XPA: variants seen among roughly 807,000 people sequenced by gnomAD.
XPA encodes the protein DNA repair protein complementing XP-A cells.
XPA carries 27 observed loss-of-function variants against 35.7 expected under a neutral mutation model. That is an observed-to-expected ratio of 0.76 (90% CI 0.56 to 1.04). The LOEUF is 1.04. Ranked by LOEUF, XPA falls within the 50% of genes least tolerant of loss-of-function variation. The pLI is 0.00. For synonymous variants in XPA, 133 were observed against 118.4 expected, an observed-to-expected ratio of 1.12 and a Z score of -0.80; for missense variants, 354 against 342.7, an observed-to-expected ratio of 1.03 and a Z score of -0.26.
chr9:97,684,542 C>T (rs1303027592), intron 5 of XPA, among the ~76,000 whole-genome samples: 1 of 152,138 alleles, frequency 6.6e-6, no homozygotes, highest in African/African-American at 2.4e-5. Context: ...AGACTTAGGG[C>T]ATGGCTTTTC....
At chr9:97,666,636 T>A in the XPA span, 1 of 579,536 alleles carries the variant, frequency 1.7e-6, no homozygotes, top group African/African-American at 1.9e-5. Context: ...TGGAGAAAGA[T>A]GACTAATTCA....
At chr9:97,675,678 G>T in intron 5 of XPA, 91 bp from the exon 6 acceptor site, 1 of 1,425,136 alleles carries the variant, frequency 7.0e-7, no homozygotes, top group Non-Finnish European at 9.9e-7. Context: ...CCATGTACAT[G>T]TGTGTGTGTC....
the XPA span, chr9:97,662,922 ATATG>A: frequency 5.5e-5 from 81 of 1,462,774 alleles, no homozygotes; most frequent in Non-Finnish European, 4.8e-5. Context: ...GAATAAGTAT[ATATG>A]GTATTTTTTT....
At chr9:97,684,569 G>A (rs1284753101) in intron 5 of XPA, among the ~76,000 whole-genome samples, 3 of 152,186 alleles carry the variant, frequency 2.0e-5, no homozygotes, top group African/African-American at 4.8e-5. Flanking sequence ...AGCAATTAGA[G>A]GGGATTGTTG....
the XPA span, chr9:97,669,613 C>G: frequency 1.2e-6 from 2 of 1,610,320 alleles, no homozygotes; most frequent in East Asian, 2.2e-5. Context: ...TGATCTTGAC[C>G]GAGCACCTAG....
intron 1 of XPA, among the ~76,000 whole-genome samples, chr9:97,695,856 T>C (rs532911320): frequency 6.6e-6 from 1 of 152,236 alleles, no homozygotes; most frequent in Non-Finnish European, 1.5e-5. Context: ...GGGAACTGCC[T>C]AAGAAATCTT....
At chr9:97,661,750 T>TC in the XPA span, among the ~76,000 whole-genome samples, 1 of 144,060 alleles carries the variant, frequency 6.9e-6, no homozygotes, top group Non-Finnish European at 1.5e-5. Context: ...TTTTTTTTTT[T>TC]GGTATTAATA....
At chr9:97,664,404 A>G in the XPA span, 2 of 1,612,804 alleles carry the variant, frequency 1.2e-6, no homozygotes, top group Admixed American at 3.3e-5. Context: ...GCCGTAGCAA[A>G]TTGGATCTTC....
the XPA span, among the ~76,000 whole-genome samples, chr9:97,660,038 T>G: frequency 6.6e-6 from 1 of 152,242 alleles, no homozygotes; most frequent in African/African-American, 2.4e-5. Flanking sequence ...TAAATATTTT[T>G]TAACCGTTAG....
downstream of XPA, chr9:97,674,829 AT>A: frequency 2.5e-6 from 1 of 394,350 alleles, no homozygotes; most frequent in South Asian, 2.1e-5. Context: ...GCTCTTTTCC[AT>A]TTTAATCCAG....
the XPA span, among the ~76,000 whole-genome samples, chr9:97,667,444 T>TA: frequency 6.6e-6 from 1 of 152,200 alleles, no homozygotes; most frequent in Non-Finnish European, 1.5e-5. Context: ...TAGTGCCCTA[T>TA]AGGAACCTTT....
intron 4 of XPA, among the ~76,000 whole-genome samples, chr9:97,685,379 T>G (rs1382595876): frequency 6.6e-6 from 1 of 152,166 alleles, no homozygotes; most frequent in Non-Finnish European, 1.5e-5. Flanking sequence ...TGTTGACAGA[T>G]TAGCCACATC....
chr9:97,670,901 T>G (rs1369536137), downstream of XPA, among the ~76,000 whole-genome samples: 1 of 152,196 alleles, frequency 6.6e-6, no homozygotes, highest in Non-Finnish European at 1.5e-5. Flanking sequence ...ATCCATTTTT[T>G]TCATTTCCCT....
At chr9:97,689,738 CAT>C (rs1828828294) in intron 2 of XPA, 99 bp from the exon 3 acceptor site, 2 of 625,468 alleles carry the variant, frequency 3.2e-6, no homozygotes, top group Non-Finnish European at 5.6e-6. Context: ...CAATGCCTGA[CAT>C]AAATACATTT....
At chr9:97,681,398 C>T (rs543667777) in intron 5 of XPA, among the ~76,000 whole-genome samples, 3 of 152,158 alleles carry the variant, frequency 2.0e-5, no homozygotes, top group East Asian at 1.9e-4. Context: ...CTGAGTCTCC[C>T]GAACTCTCTT....
In XPA at chr9:97,675,536, T is replaced by C. The variant is rs745428571; in HGVS notation, c.725A>G (p.His242Arg). Residue 242 changes from histidine (H) to arginine (R), a missense_variant, in exon 6 of 6, where the codon CAT becomes CGT. By Grantham distance (29) the His-to-Arg change is conservative (BLOSUM62 0). Transcript: ENST00000375128. ...SSVWKRETIVHQHEYGPEENL... is the reference protein window; with the variant it reads ...SSVWKRETIVRQHEYGPEENL... ...TTCTTCTGGTCCATACTCATGTTGA[T>C]GAACAATCGTCTCCCTTTTCCACAC... is the stretch of plus-strand genomic sequence containing the variant. The C allele has an allele frequency of 1.2e-6, 2 of 1,614,050 alleles. No individual in the cohort carries two copies. The highest frequency in any genetic ancestry group is 2.2e-5 in the South Asian group (2 of 91,080).
chr9:97,664,179 A>C, the XPA span, among the ~76,000 whole-genome samples: 733 of 151,898 alleles, frequency 4.8e-3, 1 homozygote, highest in Non-Finnish European at 8.2e-3. Flanking sequence ...TCTGTCTCCC[A>C]AAAAAAAGAC....
downstream of XPA, chr9:97,671,232 T>TG: frequency 7.0e-7 from 1 of 1,432,058 alleles, no homozygotes; most frequent in Non-Finnish European, 9.7e-7. Flanking sequence ...AGGTTTTTTT[T>TG]GATATCTTAA....
the XPA span, among the ~76,000 whole-genome samples, chr9:97,668,298 T>A: frequency 6.6e-6 from 1 of 152,118 alleles, no homozygotes; most frequent in African/African-American, 2.4e-5. Flanking sequence ...AAAGAAAAAA[T>A]TAAATTCTAT....
Sources: allele counts gnomAD v4.1 joint callset (sites outside exome capture counted in the v4.1 genomes callset), GRCh38; gene constraint gnomAD v4.1.1; transcripts MANE v1.5; gene names NCBI Gene and HGNC (gene_info 2026-07-23, HGNC 2026-07-21).